Variants in NUP54 observed in about 807,000 individuals in gnomAD.
NUP54 encodes the protein nucleoporin 54.
A neutral mutation model predicts 66.4 loss-of-function variants in NUP54; 27 were observed. The observed-to-expected ratio is 0.41, with a 90% CI of 0.30 to 0.56. NUP54 has a LOEUF of 0.56. Among genes scored for constraint, NUP54 ranks in the 20% least tolerant of loss-of-function variants. NUP54 has a pLI of 0.34. For missense variants in NUP54, 486 were observed against 596.3 expected, an observed-to-expected ratio of 0.82 and a Z score of 1.93; for synonymous variants, 206 against 210.7, an observed-to-expected ratio of 0.98 and a Z score of 0.19.
At chr4:76,139,511 A>G (rs1376189467) in intron 3 of NUP54, among the ~76,000 whole-genome samples, 1 of 152,254 alleles carries the variant, frequency 6.6e-6, no homozygotes, top group African/African-American at 2.4e-5. Flanking sequence ...TCATGAGGGA[A>G]AAAACAGAAT....
intron 1 of NUP54, chr4:76,147,460 T>C (rs1578701203): frequency 1.3e-5 from 17 of 1,287,630 alleles, no homozygotes; most frequent in Non-Finnish European, 1.7e-5. Flanking sequence ...TGGTTACACA[T>C]ACAACCCGCA....
intron 9 of NUP54, among the ~76,000 whole-genome samples, chr4:76,122,456 T>C (rs2109860450): frequency 6.6e-6 from 1 of 152,366 alleles, no homozygotes; most frequent in East Asian, 1.9e-4. Flanking sequence ...ACTACTAATC[T>C]GTTATCTGTC....
chr4:76,121,297 C>A (rs927992084), intron 9 of NUP54, among the ~76,000 whole-genome samples: 1 of 152,184 alleles, frequency 6.6e-6, no homozygotes, highest in African/African-American at 2.4e-5. Flanking sequence ...ATGCATTGTT[C>A]TGTCCAATCC....
chr4:76,144,389 C>G lies in NUP54; in HGVS notation c.151+1G>C. Reference sequence around the variant, plus strand: ...ATGAATGACTTAAGATGGCCTCTTACCAGTAGTGCCTGTGTTAGTTGGGGC... The same window carrying G: ...ATGAATGACTTAAGATGGCCTCTTAGCAGTAGTGCCTGTGTTAGTTGGGGC... On this transcript the variant is annotated splice_donor_variant, in intron 2 of 11. Transcript: ENST00000264883. LOFTEE classifies it high-confidence loss of function. 6.2e-7 allele frequency: 1 copy of G among 1,606,164 alleles called. No individual in the cohort carries two copies. The highest frequency in any genetic ancestry group is 8.5e-7 in the Non-Finnish European group (1 of 1,178,060).
Position 76,120,058 on chromosome 4 carries a change from TAATC to T in NUP54, c.1165-1868_1165-1865del, listed in dbSNP as rs528632457. Among the ~76,000 whole-genome samples the T allele has an allele frequency of 1.6e-3, 238 of 152,320 alleles. 1 individual carries two copies. The highest frequency in any genetic ancestry group is 0.01 in the Middle Eastern group (3 of 292). Reference sequence around the variant, plus strand: ...ATGCTTTTTAAATGTTATTAACCAATAATCAATAATTATTGTCTTGATGGATATA... The same window carrying T: ...ATGCTTTTTAAATGTTATTAACCAATAATAATTATTGTCTTGATGGATATA... On this transcript the variant is annotated intron_variant, in intron 9 of 11. Transcript: ENST00000264883.
At chr4:76,134,098 AC>A in intron 5 of NUP54, 76 bp downstream of exon 5, 1 of 1,027,168 alleles carries the variant, frequency 9.7e-7, no homozygotes, top group Non-Finnish European at 1.4e-6. Context: ...TGCTTTAGCA[AC>A]AAAAACATTA....
intron 5 of NUP54, 141 bp from the exon 6 acceptor site, chr4:76,132,860 CTTT>C (rs375936861): frequency 0.01 from 5,187 of 506,474 alleles, no homozygotes; most frequent in South Asian, 0.019. Flanking sequence ...AAAATGTTTC[CTTT>C]TTTTTTTTTT....
chr4:76,145,454 T>C, intron 1 of NUP54: 1 of 471,626 alleles, frequency 2.1e-6, no homozygotes, highest in Non-Finnish European at 3.1e-6. Context: ...TTAGCAACCT[T>C]GGTTTTGGTG....
intron 9 of NUP54, among the ~76,000 whole-genome samples, chr4:76,121,915 A>G (rs1018181826): frequency 6.6e-6 from 1 of 152,214 alleles, no homozygotes; most frequent in Non-Finnish European, 1.5e-5. Context: ...CAGCAAAAAT[A>G]GATCACTTAA....
chr4:76,148,217 C>A, intron 1 of NUP54, 91 bp downstream of exon 1: 1 of 969,850 alleles, frequency 1.0e-6, no homozygotes. Context: ...GCGGGAGATT[C>A]CAGGATCCCC....
chr4:76,118,440 CAGT>C, intron 9 of NUP54: 1 of 409,166 alleles, frequency 2.4e-6, no homozygotes, highest in South Asian at 2.3e-5. Flanking sequence ...GGCTGAAGTG[CAGT>C]GGCGTAAACA....
intron 8 of NUP54, among the ~76,000 whole-genome samples, chr4:76,128,424 A>C (rs1406230727): frequency 6.6e-6 from 1 of 151,392 alleles, no homozygotes; most frequent in African/African-American, 2.4e-5. Context: ...CAAATAACTC[A>C]AAAGAAAGCA....
intron 5 of NUP54, among the ~76,000 whole-genome samples, chr4:76,133,398 T>C (rs11735958): frequency 0.15 from 22,278 of 151,666 alleles, 1,749 homozygotes; most frequent in East Asian, 0.35. Context: ...CTCCGCCTCC[T>C]GGGTTCATGC....
chr4:76,125,633 GGAGAGGGGGAGAGGGGGA>G, intron 8 of NUP54, among the ~76,000 whole-genome samples: 1 of 39,468 alleles, frequency 2.5e-5, no homozygotes, highest in South Asian at 1.2e-3. Flanking sequence ...AGGGAGAGGG[GGAGAGGGGGAGAGGGGGA>G]GAGGGAGAGA....
chr4:76,132,286 C>T (rs1380370239), intron 6 of NUP54: 1 of 292,158 alleles, frequency 3.4e-6, no homozygotes, highest in African/African-American at 2.2e-5. Flanking sequence ...GGATTATGGA[C>T]TATTTTTCTT....
chr4:76,136,655 A>G (rs1221357453), intron 3 of NUP54, among the ~76,000 whole-genome samples: 1 of 152,184 alleles, frequency 6.6e-6, no homozygotes, highest in East Asian at 1.9e-4. Flanking sequence ...AAGATCCTCA[A>G]AAGTGGAAGA....
chr4:76,128,223 G>C (rs1328788858), intron 8 of NUP54, among the ~76,000 whole-genome samples: 1 of 152,020 alleles, frequency 6.6e-6, no homozygotes, highest in Non-Finnish European at 1.5e-5. Context: ...GTACACTGCA[G>C]AATGTGTGCA....
At chr4:76,120,903 A>T (rs1219656827) in intron 9 of NUP54, among the ~76,000 whole-genome samples, 1 of 151,044 alleles carries the variant, frequency 6.6e-6, no homozygotes, top group Non-Finnish European at 1.5e-5. Flanking sequence ...TCTTTGTATA[A>T]TATGAATATG....
chr4:76,116,124 T>G (rs1729941037), intron 11 of NUP54, among the ~76,000 whole-genome samples: 1 of 152,232 alleles, frequency 6.6e-6, no homozygotes, highest in Non-Finnish European at 1.5e-5. Flanking sequence ...ACACTGCTCA[T>G]AATTTTAAAA....
Sources: allele counts gnomAD v4.1 joint callset (sites outside exome capture counted in the v4.1 genomes callset), GRCh38; gene constraint gnomAD v4.1.1; transcripts MANE v1.5; gene names NCBI Gene and HGNC (gene_info 2026-07-23, HGNC 2026-07-21).